The following TTC21B variants were observed in gnomAD, a reference collection of about 807,000 sequenced individuals.
TTC21B encodes tetratricopeptide repeat domain 21B, also known as tetratricopeptide repeat protein 21B.
In TTC21B, 127 loss-of-function variants were observed where a neutral mutation model predicts 175.1. The observed-to-expected ratio is 0.73, with a 90% CI of 0.63 to 0.84. The LOEUF is 0.84. TTC21B is among the 40% of genes least tolerant of loss of function. The pLI is 0.00. For synonymous variants in TTC21B, 524 were observed against 524.5 expected (o/e 1.00, Z 0.01); for missense variants, 1,561 against 1,558.3 (o/e 1.00, Z -0.03).
At position 165,929,305 on chromosome 2, in the gene TTC21B, T is replaced by C. The variant is rs1305236119; in HGVS notation, c.1216A>G (p.Met406Val). 1.2e-6 allele frequency: 2 copies of C among 1,610,708 alleles called. No homozygotes were observed. Among genetic ancestry groups the C allele is most frequent in the African/African-American group, 2.7e-5 (2 of 74,864 alleles). ...ELIYLHAVLA[M>V]KKNKRQEEVI... ...TCTTCTTGTCGTTTATTTTTCTTCATGGCAAGAACTGCATGTAAATAGATT... is the reference window on the plus strand; with the variant it reads ...TCTTCTTGTCGTTTATTTTTCTTCACGGCAAGAACTGCATGTAAATAGATT... The change falls in exon 11 of 29, where the codon ATG (methionine) becomes GTG (valine). Residue 406 changes from methionine (M) to valine (V), a missense_variant. By Grantham distance (21) the Met-to-Val change is conservative. Coordinates refer to ENST00000243344, the MANE Select transcript of TTC21B (RefSeq NM_024753.5).
At chr2:165,934,895 G>C (rs1687069157) in intron 6 of TTC21B, 1 of 152,030 alleles carries the variant, frequency 6.6e-6, no homozygotes, top group Non-Finnish European at 1.5e-5. Flanking sequence ...TATACTTGAG[G>C]GAGAGACTAC....
intron 24 of TTC21B, 105 bp from the exon 25 acceptor site, chr2:165,888,579 C>G (rs964153656): frequency 3.8e-6 from 3 of 798,240 alleles, no homozygotes; most frequent in African/African-American, 1.7e-5. Context: ...CTCTTTTATA[C>G]TCTTTTTGTC....
rs12621902 is a variant in TTC21B, at chr2:165,942,510, C to T, written c.552+709G>A. 5.8e-3 allele frequency among the ~76,000 whole-genome samples: 879 copies of T among 152,266 alleles called. 5 individuals carry two copies. The highest frequency in any genetic ancestry group is 0.024 in the East Asian group (127 of 5,186). The stretch of plus-strand genomic sequence containing the variant: ...TAGAAGGTAGAAGCCAAAGGCCTTA[C>T]AGAACAGGCCAGGCCCACCACTCCT... On this transcript the variant is annotated intron_variant, in intron 5 of 28. Coordinates refer to ENST00000243344, the MANE Select transcript of TTC21B (RefSeq NM_024753.5).
chr2:165,953,579 CG>C, intron 1 of TTC21B, 105 bp downstream of exon 1: 1 of 1,512,462 alleles, frequency 6.6e-7, no homozygotes, highest in Non-Finnish European at 8.9e-7. Context: ...AGGGAAACAG[CG>C]GCCTAGCGAA....
At chr2:165,950,851 A>G (rs886589478) in intron 1 of TTC21B, among the ~76,000 whole-genome samples, 2 of 151,916 alleles carry the variant, frequency 1.3e-5, no homozygotes, top group Non-Finnish European at 2.9e-5. Context: ...CAAGTGATCC[A>G]CCCGCCTGGG....
intron 22 of TTC21B, among the ~76,000 whole-genome samples, chr2:165,894,966 G>A (rs1685315608): frequency 6.6e-6 from 1 of 152,098 alleles, no homozygotes. Context: ...GTTAGCATGG[G>A]AAGTCCTGCA....
chr2:165,889,452 C>T (rs1022865878), intron 24 of TTC21B, among the ~76,000 whole-genome samples: 1 of 152,188 alleles, frequency 6.6e-6, no homozygotes, highest in Non-Finnish European at 1.5e-5. Context: ...TCCAACTATG[C>T]ACTCTGCAGA....
intron 12 of TTC21B, among the ~76,000 whole-genome samples, chr2:165,921,402 A>C (rs1283812004): frequency 2.0e-5 from 3 of 152,168 alleles, no homozygotes; most frequent in Non-Finnish European, 4.4e-5. Context: ...GGGCAATGGA[A>C]GCTTTACATC....
chr2:165,946,477 T>C lies in TTC21B; in HGVS notation c.263-787A>G, dbSNP rs186251250. ...TAATAACTGAATCAAGTATCATTTTTAAGTTTAAAAAGTAAATTAATTAGA... is the reference window on the plus strand; with the variant it reads ...TAATAACTGAATCAAGTATCATTTTCAAGTTTAAAAAGTAAATTAATTAGA... On this transcript the variant is annotated intron_variant, in intron 3 of 28. Transcript: ENST00000243344. Among the ~76,000 whole-genome samples the C allele has an allele frequency of 4.1e-3, 622 of 152,352 alleles. 3 individuals are homozygous for C. Among genetic ancestry groups the C allele is most frequent in the Non-Finnish European group, 4.6e-3 (311 of 68,034 alleles).
chr2:165,929,581 A>T, intron 10 of TTC21B, 69 bp downstream of exon 10: 1 of 1,161,458 alleles, frequency 8.6e-7, no homozygotes, highest in Non-Finnish European at 1.3e-6. Flanking sequence ...CAAAACAATA[A>T]GACTGATTAA....
intron 13 of TTC21B, among the ~76,000 whole-genome samples, chr2:165,918,842 T>A (rs1330290620): frequency 1.3e-5 from 2 of 152,202 alleles, no homozygotes; most frequent in Non-Finnish European, 2.9e-5. Context: ...AATGACAAGA[T>A]GTTCTTTCAC....
Position 165,913,583 on chromosome 2 carries a change from A to T in TTC21B, c.2202T>A (p.Asn734Lys). 1 of 1,611,556 alleles carries T rather than the reference A, an allele frequency of 6.2e-7. No homozygotes were observed. The highest frequency in any genetic ancestry group is 1.1e-5 in the South Asian group (1 of 90,984). The change falls in exon 16 of 29, where the codon AAT becomes AAA. Residue 734 changes from asparagine to lysine, a missense_variant. Transcript: ENST00000243344. ...ACATCAGAAATTTTACCTCTAGAAT[A>T]TTCATGTATGCATCACCAAGGAGAA... Reference protein sequence around the residue: ...SFLLLGDAYMNILEPEEAIVA... With the variant: ...SFLLLGDAYMKILEPEEAIVA...
At chr2:165,892,481 T>C (rs1267453249) in intron 22 of TTC21B, among the ~76,000 whole-genome samples, 1 of 152,176 alleles carries the variant, frequency 6.6e-6, no homozygotes, top group South Asian at 2.1e-4. Context: ...TGTGTTTGAA[T>C]AGATAATCAA....
chr2:165,923,711 G>A (rs890303324), intron 12 of TTC21B, among the ~76,000 whole-genome samples: 3 of 148,018 alleles, frequency 2.0e-5, no homozygotes, highest in Admixed American at 6.8e-5. Context: ...CAAAGTGCTG[G>A]GATTACAGGC....
intron 6 of TTC21B, among the ~76,000 whole-genome samples, chr2:165,935,201 T>C (rs768176076): frequency 2.0e-4 from 30 of 152,218 alleles, no homozygotes; most frequent in Non-Finnish European, 3.4e-4. Context: ...CCAAAACAGT[T>C]ACATATGGGG....
At chr2:165,890,794 T>G in intron 23 of TTC21B, 44 bp downstream of exon 23, 7 of 1,592,072 alleles carry the variant, frequency 4.4e-6, no homozygotes, top group Non-Finnish European at 5.2e-6. Flanking sequence ...TGATTTACAA[T>G]GAGAAAAAAA....
intron 27 of TTC21B, among the ~76,000 whole-genome samples, chr2:165,877,481 T>C (rs1388384429): frequency 3.9e-5 from 6 of 152,160 alleles, no homozygotes; most frequent in African/African-American, 1.4e-4. Flanking sequence ...CATACACACA[T>C]TGCTTATAGC....
rs374794641 is a variant in TTC21B at position 165,912,481 on chromosome 2, C to G, written c.2322+33G>C. ...AGGACAGGGTATGATAAATTTGATG[C>G]AACAGACATATTTCAAACAATAAAG... On this transcript the variant is annotated intron_variant, in intron 17 of 28. Coordinates refer to ENST00000243344, the MANE Select transcript of TTC21B (RefSeq NM_024753.5). 29 of 1,528,742 alleles carry G rather than the reference C, an allele frequency of 1.9e-5. No homozygotes were observed. The African/African-American group carries it at 4.0e-4, about 21-fold the overall frequency. The allele number at this position is 1,528,742 out of a possible 1,614,324, so 94.7% of individuals were successfully genotyped here.
chr2:165,953,566 C>T (rs1281246537), intron 1 of TTC21B, 119 bp downstream of exon 1: 18 of 1,492,922 alleles, frequency 1.2e-5, no homozygotes, highest in Middle Eastern at 2.3e-4. Context: ...GCCGGGGCAC[C>T]GCAGGGAAAC....
Sources: gnomAD v4.1 joint callset for allele counts (sites outside exome capture counted in the v4.1 genomes callset) on GRCh38, gnomAD v4.1.1 for gene constraint, MANE v1.5 for transcripts, NCBI Gene and HGNC (gene_info 2026-07-23, HGNC 2026-07-21) for gene names.